The following GPD2 variants were observed in gnomAD, a reference collection of about 807,000 sequenced individuals.
GPD2 encodes glycerol-3-phosphate dehydrogenase 2.
A neutral mutation model predicts 82.4 loss-of-function variants in GPD2; 54 were observed. That is an observed-to-expected ratio of 0.66 (90% CI 0.53 to 0.82). GPD2 has a LOEUF of 0.82. GPD2 is among the 40% of genes least tolerant of loss of function. The pLI is 0.00. For missense variants in GPD2, 748 were observed against 896.2 expected (o/e 0.83, Z 2.11); for synonymous variants, 288 against 306.1 (o/e 0.94, Z 0.62).
At chr2:156,451,695 C>A (rs1682595359) in intron 1 of GPD2, among the ~76,000 whole-genome samples, 1 of 141,842 alleles carries the variant, frequency 7.1e-6, no homozygotes, top group African/African-American at 2.6e-5. Flanking sequence ...GGGCGGGGGG[C>A]TGACCCCCCC....
chr2:156,558,765 C>CTTTTTTTTTTTTTT lies in GPD2; in HGVS notation c.1165+1201_1165+1214dup, dbSNP rs34524248. On this transcript the variant is annotated intron_variant, in intron 9 of 16. Coordinates refer to ENST00000438166, the MANE Select transcript of GPD2 (RefSeq NM_000408.5). ...GGTGCCCACCACCACGCCCAGCTAA[C>CTTTTTTTTTTTTTT]TTTTTTTTTTTTTTTTTTTTTTTTT... Among the ~76,000 whole-genome samples the CTTTTTTTTTTTTTT allele has an allele frequency of 7.3e-5, 3 of 40,882 alleles. 1 individual carries two copies. Among genetic ancestry groups the CTTTTTTTTTTTTTT allele is most frequent in the Non-Finnish European group, 1.2e-4 (3 of 24,168 alleles). 26.8% of individuals were successfully genotyped at this position (40,882 alleles called of 152,430 possible).
chr2:156,566,926 T>C (rs1461455838), intron 9 of GPD2, among the ~76,000 whole-genome samples: 2 of 152,138 alleles, frequency 1.3e-5, no homozygotes, highest in Non-Finnish European at 2.9e-5. Flanking sequence ...TGTGAAGTGG[T>C]ATCTCATTGT....
chr2:156,440,062 A>T (rs1682113604), intron 1 of GPD2, among the ~76,000 whole-genome samples: 1 of 152,232 alleles, frequency 6.6e-6, no homozygotes, highest in Admixed American at 6.5e-5. Flanking sequence ...AGAAGATATT[A>T]TTAAGTAAGT....
the GPD2 span, among the ~76,000 whole-genome samples, chr2:156,418,103 T>C: frequency 2.0e-5 from 3 of 151,960 alleles, 1 homozygote; most frequent in East Asian, 3.9e-4. Flanking sequence ...TAGTCCCAGC[T>C]ACTCGGGAGG....
At chr2:156,443,163 T>TA (rs1455205317) in intron 1 of GPD2, among the ~76,000 whole-genome samples, 1 of 152,216 alleles carries the variant, frequency 6.6e-6, no homozygotes, top group Admixed American at 6.5e-5. Context: ...CTACTAGTTT[T>TA]ATGACATTTT....
intron 6 of GPD2, among the ~76,000 whole-genome samples, chr2:156,518,694 T>C (rs986496527): frequency 1.3e-5 from 2 of 152,228 alleles, no homozygotes; most frequent in African/African-American, 4.8e-5. Context: ...TGTTTGTTTT[T>C]TCATTGAGTT....
chr2:156,415,303 C>T, the GPD2 span, among the ~76,000 whole-genome samples: 1 of 151,646 alleles, frequency 6.6e-6, no homozygotes, highest in Non-Finnish European at 1.5e-5. Context: ...GTATTACACG[C>T]GCCCGCCACC....
intron 6 of GPD2, among the ~76,000 whole-genome samples, chr2:156,537,828 G>C (rs1218898262): frequency 6.6e-6 from 1 of 152,156 alleles, no homozygotes; most frequent in East Asian, 1.9e-4. Flanking sequence ...CATATTTATT[G>C]AGTACAGATT....
chr2:156,554,839 A>G lies in GPD2; in HGVS notation c.972-2550A>G, dbSNP rs564081621. Among the ~76,000 whole-genome samples, 13 of 152,328 alleles carry G rather than the reference A, an allele frequency of 8.5e-5. No individual in the cohort carries two copies. The East Asian group carries it at 2.3e-3, about 27-fold the overall frequency. ...ACTGTTAGCTCTAACACTGATTGCT[A>G]AGTAGTTAACAATAAATTGATTTCA... On this transcript the variant is annotated intron_variant, in intron 8 of 16. Coordinates refer to ENST00000438166, the MANE Select transcript of GPD2 (RefSeq NM_000408.5).
chr2:156,461,161 CTTTTTTTTTT>C (rs70987039), intron 1 of GPD2, among the ~76,000 whole-genome samples: 72 of 106,422 alleles, frequency 6.8e-4, no homozygotes, highest in East Asian at 1.1e-3. Flanking sequence ...CTCTCTATCT[CTTTTTTTTTT>C]TTTTTTTTTT....
intron 1 of GPD2, among the ~76,000 whole-genome samples, chr2:156,450,012 A>C (rs934976709): frequency 1.1e-4 from 1 of 8,966 alleles, no homozygotes; most frequent in South Asian, 0.071. Flanking sequence ...CTCTGTCTCA[A>C]AGAGAAAAAA....
chr2:156,489,579 T>G (rs1483819059), intron 2 of GPD2, among the ~76,000 whole-genome samples: 3 of 152,220 alleles, frequency 2.0e-5, no homozygotes, highest in African/African-American at 7.2e-5. Context: ...TTCCCTGGGC[T>G]ATAGAATCCT....
intron 1 of GPD2, among the ~76,000 whole-genome samples, chr2:156,456,114 G>T (rs977724366): frequency 6.6e-6 from 1 of 152,006 alleles, no homozygotes; most frequent in Admixed American, 6.6e-5. Flanking sequence ...CAGTGATTTT[G>T]CTCACTATTG....
intron 6 of GPD2, among the ~76,000 whole-genome samples, chr2:156,526,493 T>A (rs992251286): frequency 8.5e-5 from 13 of 152,182 alleles, no homozygotes; most frequent in Admixed American, 8.5e-4. Flanking sequence ...AATAGATGAG[T>A]CTGTCTTATA....
chr2:156,513,242 T>C, intron 5 of GPD2, 91 bp from the exon 6 acceptor site: 1 of 981,744 alleles, frequency 1.0e-6, no homozygotes, highest in Non-Finnish European at 1.7e-6. Flanking sequence ...TGCTTTGTTT[T>C]TCTTAAATGA....
intron 4 of GPD2, among the ~76,000 whole-genome samples, chr2:156,511,871 C>A (rs62176588): frequency 2.0e-5 from 3 of 152,156 alleles, no homozygotes; most frequent in African/African-American, 7.2e-5. Context: ...TTTGAACAAT[C>A]TGTTATCTCC....
chr2:156,507,991 C>T (rs2105264479), intron 3 of GPD2, among the ~76,000 whole-genome samples: 1 of 152,264 alleles, frequency 6.6e-6, no homozygotes, highest in South Asian at 2.1e-4. Context: ...ACTCCATCCC[C>T]AGGTACAAGG....
At chr2:156,529,956 T>C (rs1383566930) in intron 6 of GPD2, among the ~76,000 whole-genome samples, 1 of 152,106 alleles carries the variant, frequency 6.6e-6, no homozygotes, top group East Asian at 1.9e-4. Flanking sequence ...TTTAAAGTAC[T>C]ATTTTCCAAT....
upstream of GPD2, among the ~76,000 whole-genome samples, chr2:156,430,810 A>G (rs298311): frequency 0.91 from 137,974 of 152,260 alleles, 64,059 homozygotes; most frequent in East Asian, 1. Context: ...ACATGTGGTG[A>G]TCATTAAAAG....
Sources: allele counts gnomAD v4.1 joint callset (sites outside exome capture counted in the v4.1 genomes callset), GRCh38; gene constraint gnomAD v4.1.1; transcripts MANE v1.5; gene names NCBI Gene and HGNC (gene_info 2026-07-23, HGNC 2026-07-21).